SHISA9: variants seen among roughly 807,000 people sequenced by gnomAD.
The protein encoded by SHISA9 is protein shisa-9.
A neutral mutation model predicts 38.0 loss-of-function variants in SHISA9; 13 were observed. The observed-to-expected ratio is 0.34, with a 90% CI of 0.22 to 0.54. The LOEUF is 0.54. Ranked by LOEUF, SHISA9 falls within the 20% of genes least tolerant of loss-of-function variation. The pLI is 0.91. For synonymous variants in SHISA9, 275 were observed against 242.0 expected (o/e 1.14, Z -1.27); for missense variants, 538 against 575.8 (o/e 0.93, Z 0.67).
the SHISA9 span, among the ~76,000 whole-genome samples, chr16:13,428,851 C>T: frequency 6.0e-5 from 9 of 151,202 alleles, no homozygotes; most frequent in South Asian, 2.1e-4. Context: ...CTACAACCTC[C>T]GCCTCCCAGG....
At chr16:13,025,813 T>C (rs1332562570) in intron 2 of SHISA9, among the ~76,000 whole-genome samples, 2 of 152,294 alleles carry the variant, frequency 1.3e-5, no homozygotes, top group South Asian at 4.1e-4. Context: ...TAACAACATT[T>C]TTTTTGGGGG....
chr16:13,522,229 A>G, the SHISA9 span, among the ~76,000 whole-genome samples: 83,921 of 152,026 alleles, frequency 0.55, 23,459 homozygotes, highest in Non-Finnish European at 0.59. Context: ...AAGATTTTCC[A>G]TTGTGATGCT....
At chr16:13,334,253 A>G in the SHISA9 span, among the ~76,000 whole-genome samples, 2 of 152,218 alleles carry the variant, frequency 1.3e-5, no homozygotes, top group Non-Finnish European at 2.9e-5. Flanking sequence ...AGAGAAGAAC[A>G]TACCTCTTAG....
the SHISA9 span, among the ~76,000 whole-genome samples, chr16:13,455,929 A>G: frequency 6.6e-6 from 1 of 152,112 alleles, no homozygotes; most frequent in Non-Finnish European, 1.5e-5. Flanking sequence ...GAAAGTTTAG[A>G]GATATTTCTT....
the SHISA9 span, among the ~76,000 whole-genome samples, chr16:13,310,168 G>A: frequency 6.6e-6 from 1 of 152,172 alleles, no homozygotes; most frequent in Non-Finnish European, 1.5e-5. Context: ...GATTACAGGC[G>A]TGAGCCACTG....
At chr16:13,469,190 T>C in the SHISA9 span, among the ~76,000 whole-genome samples, 1 of 148,570 alleles carries the variant, frequency 6.7e-6, no homozygotes, top group African/African-American at 2.5e-5. Flanking sequence ...TGCAGTGAGC[T>C]GAGATCATGC....
chr16:13,426,519 C>T, the SHISA9 span, among the ~76,000 whole-genome samples: 3 of 152,036 alleles, frequency 2.0e-5, no homozygotes, highest in African/African-American at 4.8e-5. Flanking sequence ...AGTTTATGGC[C>T]CACCTCATAG....
intron 2 of SHISA9, among the ~76,000 whole-genome samples, chr16:13,155,029 G>A (rs1040122612): frequency 6.6e-6 from 1 of 152,158 alleles, no homozygotes; most frequent in Non-Finnish European, 1.5e-5. Flanking sequence ...ATTGGCATAG[G>A]TTAAAATGAC....
chr16:13,030,962 T>C (rs1245130715), intron 2 of SHISA9, among the ~76,000 whole-genome samples: 1 of 152,188 alleles, frequency 6.6e-6, no homozygotes, highest in East Asian at 1.9e-4. Context: ...CAGTGTCAGA[T>C]TAATGAGCTG....
the SHISA9 span, among the ~76,000 whole-genome samples, chr16:13,377,230 A>T: frequency 7.9e-5 from 12 of 152,254 alleles, no homozygotes; most frequent in Admixed American, 5.2e-4. Context: ...GGCGGCATTC[A>T]TGTGCTGTTG....
chr16:13,165,926 G>T (rs1036745394), intron 2 of SHISA9, among the ~76,000 whole-genome samples: 2 of 152,142 alleles, frequency 1.3e-5, no homozygotes, highest in South Asian at 4.1e-4. Flanking sequence ...ACTTCACATG[G>T]TGGGCTCAGT....
rs1596656761 is a variant in SHISA9, at chr16:13,114,629, T to G, written c.692-88765T>G. ...ATAAGAATGAATACATTACAGATAATGTTTAAATTTCCTCTTCTCTATTGC... is the reference window on the plus strand; with the variant it reads ...ATAAGAATGAATACATTACAGATAAGGTTTAAATTTCCTCTTCTCTATTGC... On this transcript the variant is annotated intron_variant, in intron 2 of 4. Coordinates refer to ENST00000558583, the MANE Select transcript of SHISA9 (RefSeq NM_001145204.3). Among the ~76,000 whole-genome samples the G allele has an allele frequency of 2.6e-5, 4 of 152,208 alleles. No homozygotes were observed. In the South Asian group the frequency reaches 6.2e-4, roughly 24 times the overall value.
the SHISA9 span, among the ~76,000 whole-genome samples, chr16:13,519,869 G>T: frequency 1.3e-5 from 2 of 152,054 alleles, no homozygotes; most frequent in African/African-American, 4.8e-5. Context: ...CTCCTACCGG[G>T]TCCCCATCCC....
At chr16:12,969,098 A>T (rs2072019867) in intron 2 of SHISA9, among the ~76,000 whole-genome samples, 1 of 149,556 alleles carries the variant, frequency 6.7e-6, no homozygotes, top group African/African-American at 2.4e-5. Flanking sequence ...CAAAGGTTAC[A>T]GTGAGCTGAG....
intron 2 of SHISA9, among the ~76,000 whole-genome samples, chr16:13,149,562 C>T (rs1035906633): frequency 7.9e-5 from 12 of 152,098 alleles, no homozygotes; most frequent in South Asian, 2.1e-4. Context: ...TGACCCTGAG[C>T]GGATTACATT....
chr16:13,181,519 T>C (rs1426501995), intron 2 of SHISA9, among the ~76,000 whole-genome samples: 1 of 151,528 alleles, frequency 6.6e-6, no homozygotes, highest in Admixed American at 6.6e-5. Context: ...TCTGGAGAAG[T>C]TGGTAGGTGC....
At chr16:13,091,098 CT>C (rs1470968054) in intron 2 of SHISA9, among the ~76,000 whole-genome samples, 1 of 152,146 alleles carries the variant, frequency 6.6e-6, no homozygotes, top group Non-Finnish European at 1.5e-5. Flanking sequence ...GTTGAAAATT[CT>C]TTTCTTTAAG....
chr16:13,241,531 C>G (rs537711594), downstream of SHISA9, among the ~76,000 whole-genome samples: 1 of 152,058 alleles, frequency 6.6e-6, no homozygotes, highest in South Asian at 2.1e-4. Context: ...AGAAAAATCC[C>G]TAGGCACAGA....
intron 2 of SHISA9, among the ~76,000 whole-genome samples, chr16:12,926,756 A>T (rs2071397882): frequency 6.6e-6 from 1 of 152,216 alleles, no homozygotes; most frequent in Admixed American, 6.5e-5. Flanking sequence ...TTGCTCTGAA[A>T]GAAAAATACT....
Sources: gnomAD v4.1 joint callset for allele counts (sites outside exome capture counted in the v4.1 genomes callset) on GRCh38, gnomAD v4.1.1 for gene constraint, MANE v1.5 for transcripts, NCBI Gene and HGNC (gene_info 2026-07-23, HGNC 2026-07-21) for gene names.